Variants in FAM3C observed in about 807,000 individuals in gnomAD.
FAM3C encodes protein FAM3C.
In FAM3C, 15 loss-of-function variants were observed where a neutral mutation model predicts 32.5. That is an observed-to-expected ratio of 0.46 (90% CI 0.31 to 0.71). FAM3C has a LOEUF of 0.71. Among genes scored for constraint, FAM3C ranks in the 30% least tolerant of loss-of-function variants. The pLI is 0.05. For missense variants in FAM3C, 175 were observed against 274.4 expected, an observed-to-expected ratio of 0.64 and a Z score of 2.56; for synonymous variants, 75 against 86.1, an observed-to-expected ratio of 0.87 and a Z score of 0.72.
intron 1 of FAM3C, among the ~76,000 whole-genome samples, chr7:121,390,373 T>C (rs1211902750): frequency 2.0e-5 from 3 of 152,228 alleles, no homozygotes; most frequent in Admixed American, 6.5e-5. Flanking sequence ...CAGGTTGTCC[T>C]TGTTCATTCC....
Position 121,364,147 on chromosome 7 carries a change from T to C in FAM3C, c.314A>G (p.Asn105Ser), listed in dbSNP as rs773365143. ...GVKNNVGRGI[N>S]VALANGKTGE... ...GTTCTTACCATTTGCCAAGGCAACA[T>C]TGATCCCTCTTCCAACATTATTCTT... Residue 105 changes from asparagine to serine, a missense_variant, in exon 6 of 10, where the codon AAT (asparagine) becomes AGT (serine). Coordinates refer to ENST00000359943, the MANE Select transcript of FAM3C (RefSeq NM_014888.3). The C allele has an allele frequency of 6.2e-6, 10 of 1,601,946 alleles. No homozygotes were observed. Among genetic ancestry groups the C allele is most frequent in the African/African-American group, 4.0e-5 (3 of 74,654 alleles).
In FAM3C at chr7:121,350,455, T is replaced by C. The variant is rs200476093; in HGVS notation, c.*6A>G. 1.6e-5 allele frequency: 26 copies of C among 1,611,174 alleles called. No homozygotes were observed. The highest frequency in any genetic ancestry group is 2.1e-5 in the Non-Finnish European group (25 of 1,179,152). On this transcript the variant is annotated 3_prime_UTR_variant, in exon 10 of 10. Transcript: ENST00000359943. ...TGCGCTTTCTTCAATTCTCTCCACATTTCCATTAGTCTTGCTTCTGGGGGA... is the reference window on the plus strand; with the variant it reads ...TGCGCTTTCTTCAATTCTCTCCACACTTCCATTAGTCTTGCTTCTGGGGGA...
intron 3 of FAM3C, among the ~76,000 whole-genome samples, chr7:121,376,695 C>T (rs1794243119): frequency 6.6e-6 from 1 of 152,094 alleles, no homozygotes; most frequent in Admixed American, 6.5e-5. Flanking sequence ...GGATGTTCAA[C>T]CTGTACAAGA....
chr7:121,380,689 T>C (rs937549898), intron 2 of FAM3C, among the ~76,000 whole-genome samples: 2 of 148,922 alleles, frequency 1.3e-5, no homozygotes, highest in Non-Finnish European at 3.0e-5. Flanking sequence ...CCTGTACATG[T>C]ACCCTTGAGC....
intron 5 of FAM3C, among the ~76,000 whole-genome samples, chr7:121,370,987 G>T (rs1378067202): frequency 6.6e-6 from 1 of 152,080 alleles, no homozygotes; most frequent in Non-Finnish European, 1.5e-5. Flanking sequence ...AATATTTAAG[G>T]ATCAAAATTA....
At chr7:121,382,107 A>G (rs767092839) in intron 2 of FAM3C, among the ~76,000 whole-genome samples, 7 of 152,184 alleles carry the variant, frequency 4.6e-5, no homozygotes, top group Non-Finnish European at 1.0e-4. Flanking sequence ...ATTTCCATGT[A>G]AAGTATGCAT....
intron 8 of FAM3C, among the ~76,000 whole-genome samples, chr7:121,352,574 CTG>C (rs1793726237): frequency 6.6e-6 from 1 of 152,228 alleles, no homozygotes. Flanking sequence ...AGTGAAATGA[CTG>C]TGCAGAAGAA....
intron 1 of FAM3C, among the ~76,000 whole-genome samples, chr7:121,393,623 A>G (rs1389592986): frequency 6.6e-6 from 1 of 152,234 alleles, no homozygotes; most frequent in Non-Finnish European, 1.5e-5. Context: ...AAGAAGAAAA[A>G]GAATATTAAT....
chr7:121,362,826 A>G (rs1793952288), intron 7 of FAM3C, 71 bp downstream of exon 7: 1 of 793,290 alleles, frequency 1.3e-6, no homozygotes, highest in Non-Finnish European at 2.1e-6. Context: ...TCTCTCATTA[A>G]TGGGCTACAT....
chr7:121,364,065 C>A, intron 6 of FAM3C, 65 bp downstream of exon 6: 1 of 1,030,116 alleles, frequency 9.7e-7, no homozygotes, highest in Non-Finnish European at 1.5e-6. Flanking sequence ...TCTGATAGTG[C>A]ATTTTACTTT....
intron 2 of FAM3C, 122 bp downstream of exon 2, chr7:121,382,835 G>T: frequency 2.8e-6 from 2 of 706,750 alleles, no homozygotes; most frequent in South Asian, 2.4e-5. Context: ...AGGGCTGAAT[G>T]ATTTAGTTTA....
At chr7:121,359,894 A>C in intron 8 of FAM3C, 149 bp downstream of exon 8, 1 of 598,568 alleles carries the variant, frequency 1.7e-6, no homozygotes, top group Non-Finnish European at 3.0e-6. Context: ...AAAACCAGGA[A>C]GGAGGCAAAG....
At chr7:121,382,617 T>C (rs1794381479) in intron 2 of FAM3C, among the ~76,000 whole-genome samples, 1 of 151,022 alleles carries the variant, frequency 6.6e-6, no homozygotes, top group Non-Finnish European at 1.5e-5. Flanking sequence ...TTCCCAAATC[T>C]GAAAATCTGA....
chr7:121,375,216 A>AGG (rs1330972725), intron 3 of FAM3C, among the ~76,000 whole-genome samples: 1 of 152,250 alleles, frequency 6.6e-6, no homozygotes, highest in Non-Finnish European at 1.5e-5. Context: ...TTAAAGAGGG[A>AGG]GGTTCAAACA....
chr7:121,360,993 C>G (rs761289658), intron 7 of FAM3C, among the ~76,000 whole-genome samples: 1 of 152,108 alleles, frequency 6.6e-6, no homozygotes, highest in Admixed American at 6.5e-5. Context: ...GATTTAAAGG[C>G]TATTTTAGGT....
At position 121,380,807 on chromosome 7, in the gene FAM3C, T is replaced by C. The variant is rs142002993; in HGVS notation, c.14-1793A>G. Among the ~76,000 whole-genome samples, 38 of 151,464 alleles carry C rather than the reference T, an allele frequency of 2.5e-4. 1 individual carries two copies. Among genetic ancestry groups the C allele is most frequent in the African/African-American group, 8.2e-4 (34 of 41,266 alleles). ...GTGTCTTCTGTAGAACTAAATGCTT[T>C]ATAAGTATAATCTCATTTGCATAAC... On this transcript the variant is annotated intron_variant, in intron 2 of 9. Coordinates refer to ENST00000359943, the MANE Select transcript of FAM3C (RefSeq NM_014888.3).
chr7:121,370,332 C>G (rs887429395), intron 5 of FAM3C, among the ~76,000 whole-genome samples: 1 of 152,122 alleles, frequency 6.6e-6, no homozygotes, highest in Admixed American at 6.5e-5. Flanking sequence ...AAACTTCTTA[C>G]AGCTAACTGC....
At chr7:121,369,052 C>T (rs2707482) in intron 5 of FAM3C, among the ~76,000 whole-genome samples, 38,032 of 149,886 alleles carry the variant, frequency 0.25, 5,810 homozygotes, top group African/African-American at 0.44. Flanking sequence ...CGATCTTGGC[C>T]CACTGCAACC....
intron 1 of FAM3C, among the ~76,000 whole-genome samples, chr7:121,391,999 C>G (rs1794587042): frequency 6.6e-6 from 1 of 152,208 alleles, no homozygotes; most frequent in Non-Finnish European, 1.5e-5. Context: ...AGGGGACCTT[C>G]CAACACGACA....
Sources: allele counts gnomAD v4.1 joint callset (sites outside exome capture counted in the v4.1 genomes callset), GRCh38; gene constraint gnomAD v4.1.1; transcripts MANE v1.5; gene names NCBI Gene and HGNC (gene_info 2026-07-23, HGNC 2026-07-21).